Variants in AVEN observed in about 807,000 individuals in gnomAD.
The protein encoded by AVEN is cell death regulator Aven.
A neutral mutation model predicts 38.1 loss-of-function variants in AVEN; 41 were observed. That is an observed-to-expected ratio of 1.08 (90% CI 0.84 to 1.40). AVEN has a LOEUF of 1.40. Ranked by LOEUF, AVEN falls within the 40% of genes most tolerant of loss-of-function variation. AVEN has a pLI of 0.00. For missense variants in AVEN, 605 were observed against 438.8 expected, an observed-to-expected ratio of 1.38 and a Z score of -3.38; for synonymous variants, 206 against 171.8, an observed-to-expected ratio of 1.20 and a Z score of -1.56.
intron 2 of AVEN, among the ~76,000 whole-genome samples, chr15:33,918,564 G>A (rs189438936): frequency 4.5e-4 from 65 of 144,950 alleles, no homozygotes; most frequent in Non-Finnish European, 9.2e-4. Flanking sequence ...TCTGCCTCCC[G>A]GGTTCAAGCG....
Position 33,866,657 on chromosome 15 carries a change from TA to T in AVEN, c.1044del (p.Thr349ProfsTer12). 1.9e-6 allele frequency: 3 copies of T among 1,614,146 alleles called. No homozygotes were observed. The highest frequency in any genetic ancestry group is 2.5e-6 in the Non-Finnish European group (3 of 1,180,008). The part of the protein sequence containing the change: ...EPEQPSTSKN[V>X]TEEELEDWLD... ...AACCAGTCTTCCAGCTCTTCCTCGG[TA>T]ACATTTTTGGAGGTACTTGGTTGCT... On this transcript the variant is annotated frameshift_variant, in exon 6 of 6. Coordinates refer to ENST00000306730, the MANE Select transcript of AVEN (RefSeq NM_020371.3). LOFTEE classifies it high-confidence loss of function.
At chr15:33,959,351 A>T (rs1194542039) in intron 2 of AVEN, among the ~76,000 whole-genome samples, 1 of 152,136 alleles carries the variant, frequency 6.6e-6, no homozygotes, top group Admixed American at 6.6e-5. Flanking sequence ...TCTTCATATC[A>T]CTTCCCTGCT....
intron 2 of AVEN, 136 bp downstream of exon 2, chr15:34,002,896 T>C (rs537002415): frequency 2.8e-5 from 23 of 827,350 alleles, no homozygotes; most frequent in African/African-American, 5.2e-5. Context: ...TTAGAAACAC[T>C]GTCCTTTACT....
At chr15:33,888,766 G>A (rs1471886433) in intron 2 of AVEN, among the ~76,000 whole-genome samples, 2 of 152,124 alleles carry the variant, frequency 1.3e-5, no homozygotes, top group Admixed American at 6.5e-5. Flanking sequence ...GTGTGTGTGT[G>A]TGTGAGATGG....
intron 2 of AVEN, among the ~76,000 whole-genome samples, chr15:33,961,776 G>A (rs113491192): frequency 2.0e-4 from 24 of 118,580 alleles, no homozygotes; most frequent in Non-Finnish European, 3.2e-4. Context: ...TCGCGCCACT[G>A]CACTCCAGCC....
At chr15:33,890,296 G>A (rs924150843) in intron 2 of AVEN, among the ~76,000 whole-genome samples, 2 of 152,166 alleles carry the variant, frequency 1.3e-5, no homozygotes, top group African/African-American at 4.8e-5. Context: ...AACTGTCAGA[G>A]CCCAGTTTTT....
intron 2 of AVEN, chr15:33,991,021 T>C (rs935411522): frequency 6.6e-6 from 1 of 152,074 alleles, no homozygotes; most frequent in African/African-American, 2.4e-5. Flanking sequence ...TAGAAAAAAA[T>C]GATGTAAAAC....
At chr15:33,852,148 T>G in the AVEN span, 1 of 151,900 alleles carries the variant, frequency 6.6e-6, no homozygotes. Flanking sequence ...TGTTGTGTTC[T>G]AGAACCAAAA....
chr15:33,903,975 G>A (rs113247785), intron 2 of AVEN, among the ~76,000 whole-genome samples: 6 of 152,270 alleles, frequency 3.9e-5, no homozygotes, highest in African/African-American at 1.4e-4. Context: ...TAACACAATG[G>A]TAAGTATTTG....
chr15:33,876,956 G>GA (rs1286408400), intron 2 of AVEN, among the ~76,000 whole-genome samples: 1 of 151,878 alleles, frequency 6.6e-6, no homozygotes. Flanking sequence ...TTTTTGATCA[G>GA]AAAAAAACAG....
intron 2 of AVEN, among the ~76,000 whole-genome samples, chr15:34,000,637 C>T (rs1326458687): frequency 6.6e-6 from 1 of 152,226 alleles, no homozygotes; most frequent in Non-Finnish European, 1.5e-5. Context: ...CTAGAAAACA[C>T]TGCATACTCT....
intron 2 of AVEN, among the ~76,000 whole-genome samples, chr15:33,999,958 G>C (rs1164305940): frequency 6.6e-6 from 1 of 152,170 alleles, no homozygotes. Context: ...GATCTGGCTG[G>C]ATAATGCCTT....
intron 2 of AVEN, among the ~76,000 whole-genome samples, chr15:33,960,404 AAG>A (rs1418537313): frequency 6.6e-6 from 1 of 150,522 alleles, no homozygotes; most frequent in Non-Finnish European, 1.5e-5. Context: ...TAAAATGAGG[AAG>A]AGAGTCTGTG....
chr15:33,988,163 C>A (rs1411887086), intron 2 of AVEN, among the ~76,000 whole-genome samples: 1 of 152,176 alleles, frequency 6.6e-6, no homozygotes, highest in Admixed American at 6.5e-5. Context: ...AAGCTGCAGA[C>A]CAAGTGTAAA....
intron 2 of AVEN, among the ~76,000 whole-genome samples, chr15:33,975,549 G>T (rs1339241882): frequency 1.3e-5 from 2 of 152,198 alleles, no homozygotes; most frequent in South Asian, 2.1e-4. Context: ...AAAATTATTT[G>T]CAATCAAGAA....
At chr15:33,942,644 G>A (rs535188769) in intron 2 of AVEN, among the ~76,000 whole-genome samples, 4 of 152,144 alleles carry the variant, frequency 2.6e-5, no homozygotes, top group South Asian at 2.1e-4. Context: ...GTAGAGACGG[G>A]GTTTCACAGT....
downstream of AVEN, chr15:33,854,955 C>T (rs1200580524): frequency 2.0e-6 from 3 of 1,537,778 alleles, no homozygotes; most frequent in African/African-American, 1.4e-5. Context: ...CCTGTATATG[C>T]ACAGGAAAAA....
intron 2 of AVEN, among the ~76,000 whole-genome samples, chr15:33,948,652 T>C (rs1894599550): frequency 6.6e-6 from 1 of 151,966 alleles, no homozygotes; most frequent in Non-Finnish European, 1.5e-5. Context: ...AAGGATAAAA[T>C]AAGGTATGGT....
intron 2 of AVEN, among the ~76,000 whole-genome samples, chr15:33,942,786 T>C (rs560022917): frequency 1.7e-3 from 260 of 152,308 alleles, no homozygotes; most frequent in Non-Finnish European, 2.5e-3. Flanking sequence ...GCATGAATTC[T>C]TCTCAATTAC....
Sources: allele counts gnomAD v4.1 joint callset (sites outside exome capture counted in the v4.1 genomes callset), GRCh38; gene constraint gnomAD v4.1.1; transcripts MANE v1.5; gene names NCBI Gene and HGNC (gene_info 2026-07-23, HGNC 2026-07-21).